CLDN10: variants seen among roughly 807,000 people sequenced by gnomAD.
The protein encoded by CLDN10 is claudin 10, also known as claudin-10.
A neutral mutation model predicts 22.9 loss-of-function variants in CLDN10; 15 were observed. That is an observed-to-expected ratio of 0.65 (90% CI 0.44 to 1.01). CLDN10 has a LOEUF of 1.01. Among genes scored for constraint, CLDN10 ranks in the 50% least tolerant of loss-of-function variants. The pLI, the probability that CLDN10 is intolerant of heterozygous loss-of-function variation, is 0.00. For missense variants in CLDN10, 247 were observed against 287.8 expected, an observed-to-expected ratio of 0.86 and a Z score of 1.03; for synonymous variants, 114 against 111.4, an observed-to-expected ratio of 1.02 and a Z score of -0.15.
chr13:95,553,001 A>T (rs371156608), intron 1 of CLDN10, 28 bp downstream of exon 1: 442 of 1,611,126 alleles, frequency 2.7e-4, no homozygotes, highest in Middle Eastern at 6.7e-4. Context: ...CCCCGCCCTC[A>T]GCCCTCCTTC....
exon 1 of CLDN10, chr13:95,433,771 G>A (rs777992637): frequency 1.4e-4 from 225 of 1,557,298 alleles, no homozygotes; most frequent in Non-Finnish European, 1.9e-4. Context: ...TTCTCTATCG[G>A]CTGCATGCCT....
intron 1 of CLDN10, among the ~76,000 whole-genome samples, chr13:95,488,352 T>C (rs1201056170): frequency 2.0e-5 from 3 of 151,912 alleles, no homozygotes; most frequent in Non-Finnish European, 4.4e-5. Flanking sequence ...TCAAATTTTT[T>C]TTTTAACAAT....
At chr13:95,438,094 C>T (rs149995503) in intron 1 of CLDN10, among the ~76,000 whole-genome samples, 2,616 of 152,314 alleles carry the variant, frequency 0.017, 66 homozygotes, top group East Asian at 0.07. Context: ...CACTCTGTCA[C>T]CCAGGCTGGA....
chr13:95,559,675 A>G (rs1363096508), intron 1 of CLDN10, among the ~76,000 whole-genome samples: 1 of 152,168 alleles, frequency 6.6e-6, no homozygotes, highest in Non-Finnish European at 1.5e-5. Context: ...CAAAACCATT[A>G]AAACACCCTT....
intron 1 of CLDN10, among the ~76,000 whole-genome samples, chr13:95,539,769 A>G (rs2043439984): frequency 2.0e-5 from 3 of 152,210 alleles, no homozygotes; most frequent in Admixed American, 2.0e-4. Flanking sequence ...CAGCTCCCAT[A>G]GTTATAATTC....
intron 1 of CLDN10, among the ~76,000 whole-genome samples, chr13:95,557,604 T>G (rs2043655448): frequency 6.6e-6 from 1 of 152,186 alleles, no homozygotes; most frequent in Non-Finnish European, 1.5e-5. Flanking sequence ...AAGTTATGGC[T>G]GCTGTTCATG....
intron 1 of CLDN10, among the ~76,000 whole-genome samples, chr13:95,519,963 A>G (rs1017266956): frequency 6.6e-6 from 1 of 152,200 alleles, no homozygotes; most frequent in African/African-American, 2.4e-5. Flanking sequence ...GCAAAGAAAG[A>G]GTTGCTCATG....
rs569357234 is a variant in CLDN10, at chr13:95,535,663, A to AGGT, written c.215-24469_215-24468insGGT. Among the ~76,000 whole-genome samples, 891 of 152,136 alleles carry AGGT rather than the reference A, an allele frequency of 5.9e-3. 9 individuals are homozygous for AGGT. Among genetic ancestry groups the AGGT allele is most frequent in the African/African-American group, 0.021 (859 of 41,488 alleles). On this transcript the variant is annotated intron_variant, in intron 1 of 4. Coordinates refer to the CLDN10 transcript ENST00000376873. ...AGAAAGGAGAAGATGTCCCATAGGC[A>AGGT]CATGGGACATCAGAAGAACTGATTC...
chr13:95,568,869 C>A (rs1356830489), intron 3 of CLDN10, among the ~76,000 whole-genome samples: 1 of 152,120 alleles, frequency 6.6e-6, no homozygotes, highest in Non-Finnish European at 1.5e-5. Flanking sequence ...GCATGGCACA[C>A]TGTTCAAGAA....
intron 3 of CLDN10, among the ~76,000 whole-genome samples, chr13:95,574,373 G>A (rs1022069131): frequency 6.6e-5 from 10 of 152,086 alleles, no homozygotes; most frequent in Admixed American, 2.0e-4. Context: ...ATCTCCAAAT[G>A]GATACTGTCT....
chr13:95,447,655 T>C (rs1449386806), intron 1 of CLDN10, among the ~76,000 whole-genome samples: 1 of 152,110 alleles, frequency 6.6e-6, no homozygotes, highest in Non-Finnish European at 1.5e-5. Flanking sequence ...ACTTGCTTTC[T>C]CTCACCCCAC....
chr13:95,433,849 A>C (rs1419542422), exon 1 of CLDN10: 5 of 1,614,068 alleles, frequency 3.1e-6, no homozygotes, highest in Non-Finnish European at 4.2e-6. Context: ...CAGGGCGCAG[A>C]TCTGGGCTCT....
intron 1 of CLDN10, among the ~76,000 whole-genome samples, chr13:95,553,246 G>A (rs1010621802): frequency 7.2e-5 from 11 of 152,152 alleles, no homozygotes. Context: ...GGCGTCGGGG[G>A]ATGGGGAAGC....
At chr13:95,562,084 C>T (rs1267194333) in intron 3 of CLDN10, among the ~76,000 whole-genome samples, 7 of 151,980 alleles carry the variant, frequency 4.6e-5, no homozygotes, top group Non-Finnish European at 1.0e-4. Context: ...CACGCACCAC[C>T]ATGCCCAGCT....
At chr13:95,539,876 T>A (rs1000496274) in intron 1 of CLDN10, among the ~76,000 whole-genome samples, 4 of 152,228 alleles carry the variant, frequency 2.6e-5, no homozygotes, top group African/African-American at 9.6e-5. Flanking sequence ...TACTTTTGGC[T>A]GGGCAAGGTG....
chr13:95,496,152 T>C (rs1405149780), intron 1 of CLDN10, among the ~76,000 whole-genome samples: 1 of 152,222 alleles, frequency 6.6e-6, no homozygotes, highest in African/African-American at 2.4e-5. Flanking sequence ...TCTTTTCAAC[T>C]ACCAAACCCT....
chr13:95,462,191 C>T (rs930443130), intron 1 of CLDN10, among the ~76,000 whole-genome samples: 1 of 152,182 alleles, frequency 6.6e-6, no homozygotes, highest in Admixed American at 6.5e-5. Context: ...TAATACCTCA[C>T]TGAGTCCTGC....
At chr13:95,512,112 T>C in intron 1 of CLDN10, among the ~76,000 whole-genome samples, 1 of 118,566 alleles carries the variant, frequency 8.4e-6, no homozygotes, top group Non-Finnish European at 1.8e-5. Flanking sequence ...CAGACAAAGA[T>C]CGTCTCTCCT....
intron 1 of CLDN10, among the ~76,000 whole-genome samples, chr13:95,530,607 C>T (rs1323990001): frequency 6.6e-6 from 1 of 152,152 alleles, no homozygotes; most frequent in Non-Finnish European, 1.5e-5. Flanking sequence ...AATGTTAATG[C>T]TATGGTTACA....
Sources: allele counts gnomAD v4.1 joint callset (sites outside exome capture counted in the v4.1 genomes callset), GRCh38; gene constraint gnomAD v4.1.1; transcripts MANE v1.5; gene names NCBI Gene and HGNC (gene_info 2026-07-23, HGNC 2026-07-21).